Variants in EPB41L4A observed in about 807,000 individuals in gnomAD.
The protein encoded by EPB41L4A is band 4.1-like protein 4A.
EPB41L4A carries 100 observed loss-of-function variants against 108.6 expected under a neutral mutation model. The observed-to-expected ratio is 0.92, with a 90% CI of 0.78 to 1.09. EPB41L4A has a LOEUF of 1.09. Ranked by LOEUF, EPB41L4A falls within the 50% of genes least tolerant of loss-of-function variation. The probability of loss-of-function intolerance (pLI) is 0.00; values close to 1 mark genes in which losing one functional copy is unlikely to be tolerated. For missense variants in EPB41L4A, 1,030 were observed against 842.7 expected (o/e 1.22, Z -2.75); for synonymous variants, 319 against 289.0 (o/e 1.10, Z -1.05).
chr5:112,381,725 G>A (rs10061207), intron 1 of EPB41L4A, among the ~76,000 whole-genome samples: 3,999 of 152,314 alleles, frequency 0.026, 173 homozygotes, highest in African/African-American at 0.083. Flanking sequence ...CAGGACACAC[G>A]TCATCATGGC....
intron 18 of EPB41L4A, among the ~76,000 whole-genome samples, chr5:112,171,709 A>T (rs955542339): frequency 6.6e-6 from 1 of 152,252 alleles, no homozygotes; most frequent in Non-Finnish European, 1.5e-5. Flanking sequence ...TGTAGTATCA[A>T]CTATTTCTCC....
At chr5:112,287,033 C>G (rs1753331307) in intron 2 of EPB41L4A, among the ~76,000 whole-genome samples, 1 of 152,162 alleles carries the variant, frequency 6.6e-6, no homozygotes, top group African/African-American at 2.4e-5. Flanking sequence ...CTGGCCACGT[C>G]TTCAAAATCT....
At chr5:112,165,229 CAA>C (rs1384737205) in intron 22 of EPB41L4A, 111 bp from the exon 23 acceptor site, 2 of 784,996 alleles carry the variant, frequency 2.5e-6, no homozygotes, top group East Asian at 2.6e-5. Flanking sequence ...TGAGTTAATT[CAA>C]AAGTTTCATA....
chr5:112,415,516 T>C (rs926136382), intron 1 of EPB41L4A, among the ~76,000 whole-genome samples: 4 of 152,182 alleles, frequency 2.6e-5, no homozygotes, highest in Non-Finnish European at 5.9e-5. Flanking sequence ...GAATTAAATT[T>C]ATAATCAAAT....
chr5:112,235,558 G>A (rs1274941805), intron 11 of EPB41L4A, among the ~76,000 whole-genome samples: 4 of 152,098 alleles, frequency 2.6e-5, no homozygotes, highest in Non-Finnish European at 4.4e-5. Flanking sequence ...AGCCATCTAT[G>A]GGAGGAAAAA....
intron 12 of EPB41L4A, 114 bp downstream of exon 12, chr5:112,234,520 T>G: frequency 1.0e-6 from 1 of 977,210 alleles, no homozygotes; most frequent in Non-Finnish European, 1.4e-6. Flanking sequence ...ATTTTAATAT[T>G]GGAAATTTCA....
At chr5:112,355,041 A>T (rs1320974817) in intron 1 of EPB41L4A, among the ~76,000 whole-genome samples, 4 of 152,208 alleles carry the variant, frequency 2.6e-5, no homozygotes, top group Non-Finnish European at 5.9e-5. Flanking sequence ...GGCAGGAGGA[A>T]TGAAAATCTG....
chr5:112,331,247 AC>A (rs567738759), intron 1 of EPB41L4A, among the ~76,000 whole-genome samples: 301 of 152,140 alleles, frequency 2.0e-3, no homozygotes, highest in African/African-American at 6.9e-3. Context: ...TGTGCCAAAA[AC>A]CCGGTCCAGA....
chr5:112,350,394 T>C (rs1757965367), intron 1 of EPB41L4A, among the ~76,000 whole-genome samples: 1 of 152,234 alleles, frequency 6.6e-6, no homozygotes, highest in South Asian at 2.1e-4. Context: ...ACATGTGCTA[T>C]TTTGCAACAT....
At chr5:112,159,542 G>A (rs1160087914), downstream of EPB41L4A, among the ~76,000 whole-genome samples, 1 of 152,328 alleles carries the variant, frequency 6.6e-6, no homozygotes, top group Admixed American at 6.5e-5. Flanking sequence ...TGTGTGACAA[G>A]ACCCTAAGTG....
At chr5:112,327,411 C>T (rs566506822) in intron 1 of EPB41L4A, among the ~76,000 whole-genome samples, 1 of 152,262 alleles carries the variant, frequency 6.6e-6, no homozygotes, top group Non-Finnish European at 1.5e-5. Flanking sequence ...ACCTGTTTCT[C>T]TTGTGGTAAG....
At chr5:112,335,130 G>A (rs2150677514) in intron 1 of EPB41L4A, among the ~76,000 whole-genome samples, 1 of 152,254 alleles carries the variant, frequency 6.6e-6, no homozygotes, top group East Asian at 1.9e-4. Flanking sequence ...CTGGACACAG[G>A]ATGTCTCGTC....
At chr5:112,379,667 G>A (rs556803433) in intron 1 of EPB41L4A, among the ~76,000 whole-genome samples, 2 of 152,224 alleles carry the variant, frequency 1.3e-5, no homozygotes, top group East Asian at 1.9e-4. Context: ...ATAAGAAGAC[G>A]ACCAACACTT....
At chr5:112,266,754 G>A (rs865873390) in intron 4 of EPB41L4A, among the ~76,000 whole-genome samples, 55 of 152,288 alleles carry the variant, frequency 3.6e-4, no homozygotes, top group African/African-American at 1.3e-3. Flanking sequence ...CTTACTGGGA[G>A]GAAGAAATCA....
At chr5:112,396,345 C>T (rs184406649) in intron 1 of EPB41L4A, among the ~76,000 whole-genome samples, 18 of 152,292 alleles carry the variant, frequency 1.2e-4, no homozygotes, top group Non-Finnish European at 1.5e-5. Flanking sequence ...CAGATACATA[C>T]TCAGTTTTAG....
chr5:112,181,019 A>G (rs1016899468), intron 18 of EPB41L4A, among the ~76,000 whole-genome samples: 3 of 152,240 alleles, frequency 2.0e-5, no homozygotes, highest in African/African-American at 7.2e-5. Flanking sequence ...CTTCATGCCT[A>G]GTAGAATGGC....
At chr5:112,405,086 A>G (rs937356019) in intron 1 of EPB41L4A, among the ~76,000 whole-genome samples, 1 of 152,232 alleles carries the variant, frequency 6.6e-6, no homozygotes, top group Admixed American at 6.5e-5. Flanking sequence ...AAAAAACTAC[A>G]GCAGAAATGA....
intron 1 of EPB41L4A, among the ~76,000 whole-genome samples, chr5:112,347,074 T>C (rs911479131): frequency 1.3e-5 from 2 of 152,230 alleles, no homozygotes; most frequent in East Asian, 3.8e-4. Context: ...TGCTAAGATC[T>C]ACACAAAATT....
At chr5:112,181,689 T>C (rs1761164235) in intron 18 of EPB41L4A, among the ~76,000 whole-genome samples, 1 of 152,094 alleles carries the variant, frequency 6.6e-6, no homozygotes, top group Admixed American at 6.5e-5. Flanking sequence ...CAAAAACATG[T>C]TGAGTGAAAG....
Sources: gnomAD v4.1 joint callset for allele counts (sites outside exome capture counted in the v4.1 genomes callset) on GRCh38, gnomAD v4.1.1 for gene constraint, MANE v1.5 for transcripts, NCBI Gene and HGNC (gene_info 2026-07-23, HGNC 2026-07-21) for gene names.